PPP3CC: variants seen among roughly 807,000 people sequenced by gnomAD.
PPP3CC encodes the protein protein phosphatase 3 catalytic subunit gamma.
Under a neutral mutation model 60.3 loss-of-function variants are expected in PPP3CC, and 35 were observed. The observed-to-expected ratio is 0.58, with a 90% CI of 0.44 to 0.77. PPP3CC has a LOEUF of 0.77. Among genes scored for constraint, PPP3CC ranks in the 30% least tolerant of loss-of-function variants. PPP3CC has a pLI of 0.00. For synonymous variants in PPP3CC, 206 were observed against 224.3 expected (o/e 0.92, Z 0.73); for missense variants, 570 against 628.9 (o/e 0.91, Z 1.00).
intron 4 of PPP3CC, among the ~76,000 whole-genome samples, chr8:22,504,139 GTAA>G (rs1333839526): frequency 3.9e-5 from 6 of 152,020 alleles, no homozygotes; most frequent in Non-Finnish European, 7.4e-5. Flanking sequence ...TTATGGAAAA[GTAA>G]TAATGTTTTT....
At chr8:22,441,904 C>T (rs1286533975) in intron 1 of PPP3CC, among the ~76,000 whole-genome samples, 1 of 152,206 alleles carries the variant, frequency 6.6e-6, no homozygotes, top group Admixed American at 6.5e-5. Context: ...CCCGCTTTCT[C>T]TAGATCATTG....
At position 22,538,052 on chromosome 8, in the gene PPP3CC, A is replaced by G. The variant is rs141834516; in HGVS notation, c.1322-1417A>G. ...ACTTTAAACAAGTGAGTTTTGTGGTATATGAATTCTATTTCAGTTAAGATG... is the reference window on the plus strand; with the variant it reads ...ACTTTAAACAAGTGAGTTTTGTGGTGTATGAATTCTATTTCAGTTAAGATG... On this transcript the variant is annotated intron_variant, in intron 12 of 13. Transcript: ENST00000240139. Among the ~76,000 whole-genome samples, 9 of 152,356 alleles carry G rather than the reference A, an allele frequency of 5.9e-5. No individual in the cohort carries two copies. The East Asian group carries it at 9.6e-4, about 16-fold the overall frequency.
At chr8:22,494,167 A>G (rs182605590) in intron 3 of PPP3CC, among the ~76,000 whole-genome samples, 45 of 152,350 alleles carry the variant, frequency 3.0e-4, no homozygotes, top group African/African-American at 1.0e-3. Context: ...CTGCTGATAA[A>G]GACATACCCA....
In PPP3CC at chr8:22,533,050, G is replaced by T. The variant is rs537462102; in HGVS notation, c.1321+32G>T. On this transcript the variant is annotated intron_variant, in intron 12 of 13. Transcript: ENST00000240139. ...ATGAGAGTGCTCCTCCATGGAAGGT[G>T]TGCTCCCGTTACCTAACAGTCAGCA... 6.1e-5 allele frequency: 90 copies of T among 1,474,940 alleles called. No individual in the cohort carries two copies. In the Admixed American group the frequency reaches 8.9e-4, roughly 15 times the overall value. The allele number at this position is 1,474,940 out of a possible 1,614,324, so 91.4% of individuals were successfully genotyped here.
intron 1 of PPP3CC, among the ~76,000 whole-genome samples, chr8:22,452,498 TG>T (rs1837065253): frequency 6.6e-6 from 1 of 152,090 alleles, no homozygotes; most frequent in African/African-American, 2.4e-5. Flanking sequence ...AATTTCTGTT[TG>T]TTTTTTTTTT....
intron 1 of PPP3CC, among the ~76,000 whole-genome samples, chr8:22,462,250 G>GA (rs955507554): frequency 1.3e-5 from 2 of 151,548 alleles, no homozygotes; most frequent in East Asian, 1.9e-4. Flanking sequence ...CTCTTAAAAA[G>GA]AAAAAAAATA....
At chr8:22,529,903 G>A (rs1207926643) in intron 10 of PPP3CC, among the ~76,000 whole-genome samples, 6 of 152,094 alleles carry the variant, frequency 3.9e-5, no homozygotes. Context: ...GATTATAAAG[G>A]TAGGTCCTGA....
intron 4 of PPP3CC, 149 bp downstream of exon 4, chr8:22,498,261 C>T (rs1225208684): frequency 6.0e-6 from 3 of 502,630 alleles, no homozygotes; most frequent in Non-Finnish European, 1.0e-5. Flanking sequence ...AAGATTCTAT[C>T]TTCTAAAACA....
rs1322127908 is a variant in PPP3CC, at chr8:22,513,405, C to G, written c.743C>G (p.Thr248Ser). 8 of 1,613,450 alleles carry G rather than the reference C, an allele frequency of 5.0e-6. No individual in the cohort carries two copies. The highest frequency in any genetic ancestry group is 1.7e-5 in the Admixed American group (1 of 59,940). ...ACCTTGGAGCACTATACCCACAACA[C>G]TGTCCGAGGGTGCTCTTATTTCTAC... ...EKTLEHYTHN[T>S]VRGCSYFYSY... Residue 248 changes from threonine (T) to serine (S), a missense_variant, in exon 6 of 14, where the codon ACT becomes AGT. Transcript: ENST00000240139.
chr8:22,468,260 C>T (rs544156621), intron 1 of PPP3CC, among the ~76,000 whole-genome samples: 9 of 152,202 alleles, frequency 5.9e-5, no homozygotes, highest in African/African-American at 1.4e-4. Context: ...CCCGCTACCA[C>T]GCCCAGCTAA....
chr8:22,516,205 G>A (rs538967102), intron 6 of PPP3CC, among the ~76,000 whole-genome samples: 1 of 152,142 alleles, frequency 6.6e-6, no homozygotes, highest in Non-Finnish European at 1.5e-5. Flanking sequence ...CTCCCAAAGT[G>A]CTGGGATTAC....
intron 10 of PPP3CC, among the ~76,000 whole-genome samples, chr8:22,529,044 T>G (rs1839635229): frequency 6.6e-6 from 1 of 152,240 alleles, no homozygotes; most frequent in Non-Finnish European, 1.5e-5. Context: ...ATTACATGCT[T>G]GATATATACC....
intron 3 of PPP3CC, among the ~76,000 whole-genome samples, chr8:22,484,445 C>T (rs1838164341): frequency 1.3e-5 from 2 of 151,986 alleles, no homozygotes; most frequent in East Asian, 3.8e-4. Context: ...AAACACTCAC[C>T]AATTTATAAA....
At position 22,535,845 on chromosome 8, in the gene PPP3CC, C is replaced by T. The variant is rs1402571053; in HGVS notation, c.1321+2827C>T. Among the ~76,000 whole-genome samples, 9 of 152,356 alleles carry T rather than the reference C, an allele frequency of 5.9e-5. No individual in the cohort carries two copies. In the East Asian group the frequency reaches 1.5e-3, roughly 26 times the overall value. On this transcript the variant is annotated intron_variant, in intron 12 of 13. Transcript: ENST00000240139. ...CTCCCAGGTTCAAGCAATTCTCCTG[C>T]CTCAGCCTCCCAAGTAGTTGGAACT...
chr8:22,464,421 C>G (rs1837454774), intron 1 of PPP3CC, among the ~76,000 whole-genome samples: 1 of 152,174 alleles, frequency 6.6e-6, no homozygotes, highest in South Asian at 2.1e-4. Flanking sequence ...GCTCAGCTGT[C>G]TAGGCTGGAG....
rs1839620001 is a variant in PPP3CC, at chr8:22,528,511, G to GTGACTA, written c.1075_1076insTGACTA (p.Glu359delinsValThrLys). On this transcript the variant is annotated protein_altering_variant, in exon 10 of 14. Transcript: ENST00000240139. Reference sequence around the variant, plus strand: ...GATTATTTTGTCTTACTTAGTCACAGAGATGCTGGTAAATGTGCTCAACAT... The same window carrying GTGACTA: ...GATTATTTTGTCTTACTTAGTCACAGTGACTAAGATGCTGGTAAATGTGCTCAACAT... 6.5e-7 allele frequency: 1 copy of GTGACTA among 1,537,356 alleles called. No individual in the cohort carries two copies. The highest frequency in any genetic ancestry group is 1.4e-5 in the African/African-American group (1 of 73,626).
chr8:22,539,557 G>A lies in PPP3CC; in HGVS notation c.1351+59G>A, dbSNP rs961484261. 9.2e-6 allele frequency: 14 copies of A among 1,519,300 alleles called. No individual in the cohort carries two copies. In the African/African-American group the frequency reaches 1.4e-4, roughly 15 times the overall value. The allele number at this position is 1,519,300 out of a possible 1,614,324, so 94.1% of individuals were successfully genotyped here. A position where few individuals can be genotyped will look rare whatever the true frequency, so the allele number is the denominator to read the frequency against. ...TGTGTCTGTGTACTGGTTTTTCGAA[G>A]CTTTATCAACATTTCAAATATTTTA... On this transcript the variant is annotated intron_variant, in intron 13 of 13. Coordinates refer to ENST00000240139, the MANE Select transcript of PPP3CC (RefSeq NM_005605.5).
intron 1 of PPP3CC, among the ~76,000 whole-genome samples, chr8:22,463,490 T>G (rs963011531): frequency 6.6e-6 from 1 of 152,222 alleles, no homozygotes; most frequent in African/African-American, 2.4e-5. Flanking sequence ...AAACCACCTG[T>G]GGATCATGGG....
intron 1 of PPP3CC, among the ~76,000 whole-genome samples, chr8:22,452,322 C>T (rs1256508905): frequency 6.6e-6 from 1 of 152,190 alleles, no homozygotes. Context: ...GCATGAGCCA[C>T]TGTGCCTGGC....
Sources: gnomAD v4.1 joint callset for allele counts (sites outside exome capture counted in the v4.1 genomes callset) on GRCh38, gnomAD v4.1.1 for gene constraint, MANE v1.5 for transcripts, NCBI Gene and HGNC (gene_info 2026-07-23, HGNC 2026-07-21) for gene names.